The following GRHL2 variants were observed in gnomAD, a reference collection of about 807,000 sequenced individuals.
GRHL2 encodes grainyhead like transcription factor 2, also known as grainyhead-like protein 2 homolog.
In GRHL2, 21 loss-of-function variants were observed where a neutral mutation model predicts 83.8. That is an observed-to-expected ratio of 0.25 (90% confidence interval 0.18 to 0.36). The LOEUF (loss-of-function observed/expected upper bound fraction) is 0.36. Ranked by LOEUF, GRHL2 falls within the 10% of genes least tolerant of loss-of-function variation. The pLI is 1.00. For missense variants in GRHL2, 623 were observed against 781.8 expected (o/e 0.80, Z 2.42); for synonymous variants, 280 against 278.9 (o/e 1.00, Z -0.04).
At chr8:101,552,054 C>T (rs1811391915) in intron 2 of GRHL2, among the ~76,000 whole-genome samples, 1 of 152,030 alleles carries the variant, frequency 6.6e-6, no homozygotes, top group Non-Finnish European at 1.5e-5. Flanking sequence ...CCGGGATGGT[C>T]TCTACCTCCT....
intron 13 of GRHL2, among the ~76,000 whole-genome samples, chr8:101,646,891 C>T (rs1029251205): frequency 2.0e-5 from 3 of 152,212 alleles, no homozygotes; most frequent in Non-Finnish European, 4.4e-5. Context: ...CCCAGCACAC[C>T]TTGTGAGTTG....
intron 2 of GRHL2, among the ~76,000 whole-genome samples, chr8:101,544,993 T>C (rs989851537): frequency 1.3e-5 from 2 of 152,150 alleles, no homozygotes; most frequent in African/African-American, 4.8e-5. Flanking sequence ...TTTCCCACCT[T>C]CTTTCCCATT....
At chr8:101,671,451 C>T (rs983640329), downstream of GRHL2, among the ~76,000 whole-genome samples, 6 of 152,080 alleles carry the variant, frequency 3.9e-5, no homozygotes, top group East Asian at 1.9e-4. Flanking sequence ...AAGGCGGCAG[C>T]GATGCTGGGG....
In GRHL2 at chr8:101,577,650, G is replaced by A. The variant is rs1811960659; in HGVS notation, c.1003+131G>A. 1.1e-5 allele frequency: 8 copies of A among 714,660 alleles called. No individual in the cohort carries two copies. The East Asian group carries it at 2.1e-4, about 19-fold the overall frequency. The allele number at this position is 714,660 out of a possible 1,614,324, so 44.3% of individuals were successfully genotyped here. On this transcript the variant is annotated intron_variant, in intron 7 of 15. Coordinates refer to ENST00000646743, the MANE Select transcript of GRHL2 (RefSeq NM_024915.4). Reference sequence around the variant, plus strand: ...TATGATGTGCCCGGCACTAGTCTATGTCAGGACATTTAGTGCAGATCAGAC... The same window carrying A: ...TATGATGTGCCCGGCACTAGTCTATATCAGGACATTTAGTGCAGATCAGAC...
At chr8:101,607,678 A>G (rs1192197233) in intron 8 of GRHL2, among the ~76,000 whole-genome samples, 1 of 152,204 alleles carries the variant, frequency 6.6e-6, no homozygotes, top group East Asian at 1.9e-4. Context: ...GAAAGATTGA[A>G]TTGCACACTG....
intron 14 of GRHL2, among the ~76,000 whole-genome samples, chr8:101,657,990 A>G (rs781307764): frequency 1.3e-5 from 2 of 152,200 alleles, no homozygotes; most frequent in Non-Finnish European, 2.9e-5. Flanking sequence ...GCCCCTGGGC[A>G]GAAGGAATTT....
intron 1 of GRHL2, among the ~76,000 whole-genome samples, chr8:101,534,553 G>A (rs1563568457): frequency 6.6e-6 from 1 of 152,050 alleles, no homozygotes; most frequent in African/African-American, 2.4e-5. Flanking sequence ...GTCCAGTGTG[G>A]GAGAGGACTC....
rs1295107524 is a variant in GRHL2, at chr8:101,601,191, CCA to C, written c.1098+2042_1098+2043del. Among the ~76,000 whole-genome samples, 216 of 149,186 alleles carry C rather than the reference CCA, an allele frequency of 1.4e-3. 1 individual carries two copies. In the East Asian group the frequency reaches 0.03, roughly 21 times the overall value. On this transcript the variant is annotated intron_variant, in intron 8 of 15. Coordinates refer to ENST00000646743, the MANE Select transcript of GRHL2 (RefSeq NM_024915.4). ...ACACACACACACACACACACACACCCCACCACCACCACCACCACCACCACCAA... is the reference window on the plus strand; with the variant it reads ...ACACACACACACACACACACACACCCCCACCACCACCACCACCACCACCAA...
chr8:101,511,134 A>G (rs1483306738), intron 1 of GRHL2, among the ~76,000 whole-genome samples: 1 of 152,012 alleles, frequency 6.6e-6, no homozygotes, highest in Non-Finnish European at 1.5e-5. Context: ...TTGCCTTATT[A>G]TTTACAAAAA....
intron 1 of GRHL2, among the ~76,000 whole-genome samples, chr8:101,530,543 G>T (rs1810902603): frequency 1.3e-5 from 2 of 152,006 alleles, no homozygotes; most frequent in Admixed American, 1.3e-4. Context: ...TCTGTTACAT[G>T]AATCATTTGC....
In GRHL2 at chr8:101,523,948, A is replaced by G. The variant is rs985730591; in HGVS notation, c.21-19293A>G. On this transcript the variant is annotated intron_variant, in intron 1 of 15. Coordinates refer to ENST00000646743, the MANE Select transcript of GRHL2 (RefSeq NM_024915.4). Reference sequence around the variant, plus strand: ...TTATTGGTTTAACGCAGTTGCTACCATAATCACCAATCATCAGGTGCGTAA... The same window carrying G: ...TTATTGGTTTAACGCAGTTGCTACCGTAATCACCAATCATCAGGTGCGTAA... 3.3e-5 allele frequency among the ~76,000 whole-genome samples: 5 copies of G among 152,332 alleles called. No homozygotes were observed. The East Asian group carries it at 7.7e-4, about 23-fold the overall frequency.
At chr8:101,601,215 CCAA>C (rs1243168200) in intron 8 of GRHL2, among the ~76,000 whole-genome samples, 2 of 148,270 alleles carry the variant, frequency 1.3e-5, no homozygotes, top group East Asian at 4.0e-4. Flanking sequence ...ACCACCACCA[CCAA>C]CAACAACAAC....
chr8:101,662,209 T>C (rs1813936123), intron 14 of GRHL2, among the ~76,000 whole-genome samples: 1 of 152,212 alleles, frequency 6.6e-6, no homozygotes, highest in Non-Finnish European at 1.5e-5. Context: ...CCAATTTTCT[T>C]TGCAGTTCAA....
intron 13 of GRHL2, among the ~76,000 whole-genome samples, chr8:101,648,794 C>T (rs780433509): frequency 5.3e-5 from 8 of 152,202 alleles, no homozygotes; most frequent in African/African-American, 1.9e-4. Flanking sequence ...CACTTGCCTG[C>T]ATTCACGCAC....
chr8:101,640,795 G>A (rs1813385595), intron 12 of GRHL2, among the ~76,000 whole-genome samples: 1 of 152,096 alleles, frequency 6.6e-6, no homozygotes, highest in Non-Finnish European at 1.5e-5. Context: ...GAGGTCAGTG[G>A]TTTCTCTTCA....
rs191998494 is a variant in GRHL2, at chr8:101,669,395, T to C, written c.*2692T>C. 1.3e-5 allele frequency: 2 copies of C among 152,602 alleles called. No homozygotes were observed. Among genetic ancestry groups the C allele is most frequent in the African/African-American group, 2.4e-5 (1 of 41,544 alleles). 9.5% of individuals were successfully genotyped at this position (152,602 alleles called of 1,614,324 possible). On this transcript the variant is annotated 3_prime_UTR_variant, in exon 16 of 16. Transcript: ENST00000646743. Reference sequence around the variant, plus strand: ...AATGCAGTCAGATGTCATCTTGGAATTGGTTTCTAAAAGAGTAAGGCATGT... The same window carrying C: ...AATGCAGTCAGATGTCATCTTGGAACTGGTTTCTAAAAGAGTAAGGCATGT...
At chr8:101,567,393 A>G (rs999807642) in intron 4 of GRHL2, among the ~76,000 whole-genome samples, 4 of 152,220 alleles carry the variant, frequency 2.6e-5, no homozygotes, top group African/African-American at 7.2e-5. Flanking sequence ...GAAACTTGAT[A>G]ACTGTAGCCA....
At chr8:101,540,680 C>T (rs1445720445) in intron 1 of GRHL2, among the ~76,000 whole-genome samples, 1 of 152,182 alleles carries the variant, frequency 6.6e-6, no homozygotes, top group Non-Finnish European at 1.5e-5. Flanking sequence ...GCCCTTGACA[C>T]ACTTTTCATT....
chr8:101,681,189 T>A, the GRHL2 span, among the ~76,000 whole-genome samples: 2 of 135,836 alleles, frequency 1.5e-5, no homozygotes, highest in Admixed American at 7.5e-5. Context: ...GCAAGACTAA[T>A]AAAGAAGAAA....
Sources: gnomAD v4.1 joint callset for allele counts (sites outside exome capture counted in the v4.1 genomes callset) on GRCh38, gnomAD v4.1.1 for gene constraint, MANE v1.5 for transcripts, NCBI Gene and HGNC (gene_info 2026-07-23, HGNC 2026-07-21) for gene names.